CPOX: variants seen among roughly 807,000 people sequenced by gnomAD.
The protein encoded by CPOX is oxygen-dependent coproporphyrinogen-III oxidase, mitochondrial.
Under a neutral mutation model 48.9 loss-of-function variants are expected in CPOX, and 24 were observed. The observed-to-expected ratio is 0.49, with a 90% confidence interval of 0.36 to 0.69. CPOX has a LOEUF of 0.69. Among genes scored for constraint, CPOX ranks in the 30% least tolerant of loss-of-function variants. The probability of loss-of-function intolerance (pLI) is 0.00; values close to 1 mark genes in which losing one functional copy is unlikely to be tolerated. For synonymous variants in CPOX, 249 were observed against 234.6 expected (o/e 1.06, Z -0.56); for missense variants, 549 against 597.3 (o/e 0.92, Z 0.84).
chr3:98,588,829 A>G lies in CPOX; in HGVS notation c.837T>C (p.Gly279=), dbSNP rs1399665273. The G allele has an allele frequency of 1.9e-6, 3 of 1,614,178 alleles. No homozygotes were observed. The highest frequency in any genetic ancestry group is 2.5e-6 in the Non-Finnish European group (3 of 1,180,014). Residue 279 remains glycine, a synonymous_variant, in exon 4 of 7, where the codon GGT becomes GGC. Coordinates refer to ENST00000647941, the MANE Select transcript of CPOX (RefSeq NM_000097.7). ...AGTATGTTGGAGTGAGGTCACATCC[A>G]CCACCAAACCACCACTGCTTGTTGC... is the stretch of plus-strand genomic sequence containing the variant. ...ADGNKQWWFG[G]GCDLTPTYLN... is the part of the protein sequence containing the mutation.
Position 98,591,992 on chromosome 3 carries a change from G to GAT in CPOX, c.557-839_557-838dup, listed in dbSNP as rs10535616. On this transcript the variant is annotated intron_variant, in intron 1 of 6. Coordinates refer to ENST00000647941, the MANE Select transcript of CPOX (RefSeq NM_000097.7). ...ATATATATATATATATATGTATATG[G>GAT]ATATATATATATATATATGTAGTAT... is the stretch of plus-strand genomic sequence containing the variant. Among the ~76,000 whole-genome samples, 1,376 of 148,056 alleles carry GAT rather than the reference G, an allele frequency of 9.3e-3. 23 individuals carry two copies. Among genetic ancestry groups the GAT allele is most frequent in the African/African-American group, 0.03 (1,229 of 40,446 alleles).
chr3:98,589,821 T>G (rs924819307), intron 3 of CPOX: 1 of 152,212 alleles, frequency 6.6e-6, no homozygotes, highest in Non-Finnish European at 1.5e-5. Context: ...CCAATAAGAA[T>G]AGGTGTGGCA....
At chr3:98,584,477 C>T (rs1707320086) in intron 5 of CPOX, among the ~76,000 whole-genome samples, 1 of 152,188 alleles carries the variant, frequency 6.6e-6, no homozygotes. Context: ...CCAGATAGCA[C>T]AGGCAGTCAT....
chr3:98,579,355 C>T (rs1707208025), downstream of CPOX: 1 of 366,964 alleles, frequency 2.7e-6, no homozygotes. Context: ...GAGTTGGGGC[C>T]CCTAGCCCTA....
rs1383194361 is a variant in CPOX at position 98,591,081 on chromosome 3, GAAC to G, written c.628_630del (p.Val210del). ...GCAGCTTCCTCTGAAAGATTTCCAT[GAAC>G]AACAGAAATGCTCACCCCAGCCTTT... On this transcript the variant is annotated inframe_deletion, in exon 2 of 7. Transcript: ENST00000647941. 1.2e-6 allele frequency: 2 copies of G among 1,614,002 alleles called. No homozygotes were observed. Among genetic ancestry groups the G allele is most frequent in the Non-Finnish European group, 1.7e-6 (2 of 1,179,970 alleles).
Position 98,590,722 on chromosome 3 carries a change from T to G in CPOX, c.721A>C (p.Met241Leu), listed in dbSNP as rs767649799. ...GGGTGGATAACAGAGCTCACGCCCATAGCACAAAATGGCAATTTACCTGGA... is the reference window on the plus strand; with the variant it reads ...GGGTGGATAACAGAGCTCACGCCCAGAGCACAAAATGGCAATTTACCTGGA... ...TKDGKLPFCAMGVSSVIHPKN... is the reference protein window; with the variant it reads ...TKDGKLPFCALGVSSVIHPKN... The change falls in exon 3 of 7, where the codon ATG becomes CTG. Residue 241 changes from methionine to leucine, a missense_variant. Around this residue, in one of 2 missense-constraint regions of CPOX, gnomAD observed 213 missense variants for 279.1 expected, o/e 0.76. Coordinates refer to ENST00000647941, the MANE Select transcript of CPOX (RefSeq NM_000097.7). 1.9e-6 allele frequency: 3 copies of G among 1,613,832 alleles called. No homozygotes were observed. Among genetic ancestry groups the G allele is most frequent in the Non-Finnish European group, 2.5e-6 (3 of 1,179,742 alleles).
chr3:98,572,377 C>T, the CPOX span, among the ~76,000 whole-genome samples: 1 of 151,984 alleles, frequency 6.6e-6, no homozygotes, highest in Non-Finnish European at 1.5e-5. Flanking sequence ...GTATAGCTAT[C>T]ATTTTTTACT....
the CPOX span, among the ~76,000 whole-genome samples, chr3:98,570,514 A>G: frequency 3.9e-5 from 6 of 152,220 alleles, no homozygotes; most frequent in Non-Finnish European, 8.8e-5. Flanking sequence ...TTATTTTCCA[A>G]GATTTCCACA....
intron 3 of CPOX, among the ~76,000 whole-genome samples, chr3:98,590,030 T>G (rs749493274): frequency 7.2e-5 from 11 of 152,282 alleles, no homozygotes; most frequent in Non-Finnish European, 1.2e-4. Flanking sequence ...TTCCTTCAGA[T>G]GTAATGAATT....
At chr3:98,577,960 C>T (rs141024878), downstream of CPOX, among the ~76,000 whole-genome samples, 1,264 of 152,336 alleles carry the variant, frequency 8.3e-3, 16 homozygotes, top group African/African-American at 0.029. Flanking sequence ...ATCTCAAATA[C>T]TCTGCTGACT....
chr3:98,581,078 C>T (rs888712611), intron 6 of CPOX, among the ~76,000 whole-genome samples: 2 of 151,552 alleles, frequency 1.3e-5, no homozygotes, highest in African/African-American at 2.4e-5. Flanking sequence ...ATGGGCAAAC[C>T]TTCTTTAGCT....
intron 5 of CPOX, among the ~76,000 whole-genome samples, chr3:98,582,966 G>C (rs940508915): frequency 3.9e-5 from 6 of 152,058 alleles, no homozygotes; most frequent in African/African-American, 1.2e-4. Context: ...AATAATTTAA[G>C]TGAATCTTCT....
downstream of CPOX, among the ~76,000 whole-genome samples, chr3:98,577,711 C>A (rs1480594604): frequency 1.3e-5 from 2 of 152,200 alleles, no homozygotes; most frequent in African/African-American, 4.8e-5. Flanking sequence ...AACCACCATA[C>A]TGCCTTTGCC....
rs1419499423 is a variant in CPOX at position 98,593,313 on chromosome 3, G to T, written c.192C>A (p.His64Gln). Residue 64 changes from histidine (H) to glutamine (Q), a missense_variant, in exon 1 of 7, where the codon CAC becomes CAA. Physicochemically the swap from His to Gln is conservative, Grantham distance 24. Around this residue, in one of 2 missense-constraint regions of CPOX, gnomAD observed 336 missense variants for 318.1 expected, o/e 1.06. Coordinates refer to ENST00000647941, the MANE Select transcript of CPOX (RefSeq NM_000097.7). ...AGTEQSRGLG[H>Q]GSTSRGGPWV... is the part of the protein sequence containing the mutation. ...AGGGGCCGCCTCTCGACGTCGAGCC[G>T]TGCCCCAGCCCGCGGCTCTGCTCCG... The T allele has an allele frequency of 2.1e-6, 3 of 1,436,518 alleles. No individual in the cohort carries two copies. The Admixed American group carries it at 8.7e-5, about 42-fold the overall frequency. 89.0% of individuals were successfully genotyped at this position (1,436,518 alleles called of 1,614,324 possible).
In CPOX at chr3:98,580,163, G is replaced by C; in HGVS notation, c.*520C>G. On this transcript the variant is annotated 3_prime_UTR_variant, in exon 7 of 7. Transcript: ENST00000647941. ...ATGTGTATCTATTTGACAATATTAT[G>C]TTCTCTGGAGAAAGATATATAAGGA... 1 of 982,466 alleles carries C rather than the reference G, an allele frequency of 1.0e-6. No individual in the cohort carries two copies. The highest frequency in any genetic ancestry group is 1.2e-6 in the Non-Finnish European group (1 of 826,896). The allele number at this position is 982,466 out of a possible 1,614,324, so 60.9% of individuals were successfully genotyped here.
rs1222181148 is a variant in CPOX, at chr3:98,580,239, G to A, written c.*444C>T. The A allele has an allele frequency of 2.0e-6, 2 of 992,578 alleles. No individual in the cohort carries two copies. Among genetic ancestry groups the A allele is most frequent in the East Asian group, 2.2e-4 (2 of 9,134 alleles). The allele number at this position is 992,578 out of a possible 1,614,324, so 61.5% of individuals were successfully genotyped here. Reference sequence around the variant, plus strand: ...AAAGTAAAATTTTTACCTTCAAGTTGCATTCTAAAATTACTATGAAGTCTC... The same window carrying A: ...AAAGTAAAATTTTTACCTTCAAGTTACATTCTAAAATTACTATGAAGTCTC... On this transcript the variant is annotated 3_prime_UTR_variant, in exon 7 of 7. Transcript: ENST00000647941.
At chr3:98,584,333 G>C in intron 5 of CPOX, among the ~76,000 whole-genome samples, 1 of 152,104 alleles carries the variant, frequency 6.6e-6, no homozygotes, top group Non-Finnish European at 1.5e-5. Flanking sequence ...AGTATCAAGT[G>C]AAAGGAGGAA....
In CPOX at chr3:98,588,871, T is replaced by C. The variant is rs1032748531; in HGVS notation, c.812-17A>G. The stretch of plus-strand genomic sequence containing the variant: ...GCTTGTTGCCTACCAAATCAAGACA[T>C]GGGATTCTAATGTGGACTTTTGAGA... On this transcript the variant is annotated splice_polypyrimidine_tract_variant and intron_variant, in intron 3 of 6. Coordinates refer to ENST00000647941, the MANE Select transcript of CPOX (RefSeq NM_000097.7). 5 of 1,613,964 alleles carry C rather than the reference T, an allele frequency of 3.1e-6. No individual in the cohort carries two copies. Among genetic ancestry groups the C allele is most frequent in the Admixed American group, 1.7e-5 (1 of 59,996 alleles).
rs960897843 is a variant in CPOX at position 98,592,953 on chromosome 3, C to T, written c.552G>A (p.Lys184=). Residue 184 remains lysine (K), a synonymous_variant, in exon 1 of 7, where the codon AAG becomes AAA. Coordinates refer to ENST00000647941, the MANE Select transcript of CPOX (RefSeq NM_000097.7). Reference sequence around the variant, plus strand: ...GCCAGGGGCCGGCCTCCTTACCTTCCTTCCTCTCCCACCGGTCCACAGAAA... The same window carrying T: ...GCCAGGGGCCGGCCTCCTTACCTTCTTTCCTCTCCCACCGGTCCACAGAAA... ...ANFSVDRWER[K]EGGGGISCVL... 5 of 1,612,388 alleles carry T rather than the reference C, an allele frequency of 3.1e-6. No individual in the cohort carries two copies. The African/African-American group carries it at 5.3e-5, about 17-fold the overall frequency.
Sources: allele counts gnomAD v4.1 joint callset (sites outside exome capture counted in the v4.1 genomes callset), GRCh38; gene constraint gnomAD v4.1.1; regional missense constraint gnomAD v4.1.1; transcripts MANE v1.5; gene names NCBI Gene and HGNC (gene_info 2026-07-23, HGNC 2026-07-21).